The following MGMT variants were observed in gnomAD, a reference collection of about 807,000 sequenced individuals.
MGMT encodes the protein methylated-DNA--protein-cysteine methyltransferase.
A neutral mutation model predicts 15.9 loss-of-function variants in MGMT; 14 were observed. That is an observed-to-expected ratio of 0.88 (90% CI 0.58 to 1.37). The LOEUF (loss-of-function observed/expected upper bound fraction) is 1.37. Among genes scored for constraint, MGMT ranks in the 40% most tolerant of loss-of-function variants. The pLI, the probability that MGMT is intolerant of heterozygous loss-of-function variation, is 0.00. For missense variants in MGMT, 282 were observed against 268.1 expected (o/e 1.05, Z -0.36); for synonymous variants, 130 against 118.2 (o/e 1.10, Z -0.65).
intron 2 of MGMT, among the ~76,000 whole-genome samples, chr10:129,615,823 G>A (rs755377675): frequency 1.3e-5 from 2 of 152,164 alleles, no homozygotes; most frequent in Non-Finnish European, 2.9e-5. Context: ...GGGACTGAGG[G>A]GAGAGACAGG....
At chr10:129,613,833 C>T (rs902080507) in intron 2 of MGMT, among the ~76,000 whole-genome samples, 1 of 152,216 alleles carries the variant, frequency 6.6e-6, no homozygotes, top group African/African-American at 2.4e-5. Context: ...GGTCCCCCCT[C>T]CCACCTGCAA....
At chr10:129,504,558 A>T (rs1309577355) in intron 1 of MGMT, among the ~76,000 whole-genome samples, 1 of 152,182 alleles carries the variant, frequency 6.6e-6, no homozygotes, top group African/African-American at 2.4e-5. Context: ...TACATTCTTG[A>T]TTCCCCCCTT....
At chr10:129,661,831 ACTGGTAATTTGCTTTCGTGTGAC>A (rs1347540170) in intron 2 of MGMT, among the ~76,000 whole-genome samples, 1 of 152,216 alleles carries the variant, frequency 6.6e-6, no homozygotes, top group African/African-American at 2.4e-5. Flanking sequence ...TTTTTAATTT[ACTGGTAATTTGCTTTCGTGTGAC>A]CTGAGAATGA....
intron 2 of MGMT, among the ~76,000 whole-genome samples, chr10:129,683,759 T>C (rs1210459041): frequency 6.6e-6 from 1 of 152,174 alleles, no homozygotes; most frequent in Non-Finnish European, 1.5e-5. Context: ...GAACCCCACT[T>C]GAATGGTAAT....
At chr10:129,706,698 C>T (rs2133141173) in intron 2 of MGMT, among the ~76,000 whole-genome samples, 1 of 152,242 alleles carries the variant, frequency 6.6e-6, no homozygotes, top group South Asian at 2.1e-4. Flanking sequence ...GGGTCCACAG[C>T]ACTTGAAATC....
chr10:129,565,021 A>G (rs1846337632), intron 2 of MGMT, among the ~76,000 whole-genome samples: 1 of 152,186 alleles, frequency 6.6e-6, no homozygotes, highest in African/African-American at 2.4e-5. Flanking sequence ...TCATGAAAAA[A>G]GATGGAGGGC....
chr10:129,560,489 CT>C (rs1425858040), intron 2 of MGMT, among the ~76,000 whole-genome samples: 1 of 152,154 alleles, frequency 6.6e-6, no homozygotes, highest in Non-Finnish European at 1.5e-5. Context: ...CTTTTGTACT[CT>C]GCATTCGTGG....
intron 2 of MGMT, among the ~76,000 whole-genome samples, chr10:129,576,016 T>C (rs1273540723): frequency 2.0e-5 from 3 of 151,964 alleles, no homozygotes; most frequent in Admixed American, 6.6e-5. Flanking sequence ...AGACCAATAA[T>C]AGGCTCTGAA....
chr10:129,654,494 C>T (rs1252907458), intron 2 of MGMT, among the ~76,000 whole-genome samples: 4 of 152,172 alleles, frequency 2.6e-5, no homozygotes, highest in Non-Finnish European at 2.9e-5. Flanking sequence ...TACCCCTGCT[C>T]ACTCTGAGCC....
chr10:129,762,341 G>A (rs765588064), intron 4 of MGMT, among the ~76,000 whole-genome samples: 1 of 152,208 alleles, frequency 6.6e-6, no homozygotes, highest in Non-Finnish European at 1.5e-5. Flanking sequence ...CAATAAACAG[G>A]AGCACGTGCT....
chr10:129,626,742 G>GGT (rs1336225067), intron 2 of MGMT, among the ~76,000 whole-genome samples: 1 of 152,166 alleles, frequency 6.6e-6, no homozygotes, highest in Non-Finnish European at 1.5e-5. Context: ...ATAACACCGT[G>GGT]GTGAAGCGCC....
chr10:129,553,377 A>G (rs1165835086), intron 2 of MGMT, among the ~76,000 whole-genome samples: 3 of 152,228 alleles, frequency 2.0e-5, no homozygotes, highest in Non-Finnish European at 4.4e-5. Context: ...TAGACTTAGG[A>G]GCAGGCAGAA....
intron 3 of MGMT, among the ~76,000 whole-genome samples, chr10:129,734,877 A>G (rs1472773774): frequency 1.3e-5 from 2 of 152,162 alleles, no homozygotes; most frequent in African/African-American, 4.8e-5. Context: ...TGATTTGCAT[A>G]TATTGAACCA....
chr10:129,719,201 C>T (rs1000547200), intron 3 of MGMT, among the ~76,000 whole-genome samples: 2 of 152,032 alleles, frequency 1.3e-5, no homozygotes, highest in South Asian at 2.1e-4. Flanking sequence ...GTCACCTTCC[C>T]GGGCTGTCTA....
At chr10:129,639,935 G>A (rs1250362921) in intron 2 of MGMT, among the ~76,000 whole-genome samples, 4 of 135,022 alleles carry the variant, frequency 3.0e-5, no homozygotes, top group Non-Finnish European at 4.7e-5. Context: ...ATAAATCGGT[G>A]GCTAGACTGA....
chr10:129,560,989 G>GTGCGTGTGCGTGTGCA (rs1554911324), intron 2 of MGMT, among the ~76,000 whole-genome samples: 1 of 149,792 alleles, frequency 6.7e-6, no homozygotes, highest in Admixed American at 6.6e-5. Context: ...GTGTGTGTGT[G>GTGCGTGTGCGTGTGCA]TGTGTGTGTT....
intron 1 of MGMT, among the ~76,000 whole-genome samples, chr10:129,507,055 T>C (rs1845632981): frequency 6.6e-6 from 1 of 152,138 alleles, no homozygotes; most frequent in African/African-American, 2.4e-5. Flanking sequence ...AAAGTGGGGG[T>C]TCCAGTGCTA....
At chr10:129,647,375 G>A (rs565711718) in intron 2 of MGMT, among the ~76,000 whole-genome samples, 88 of 152,264 alleles carry the variant, frequency 5.8e-4, no homozygotes, top group African/African-American at 1.9e-3. Context: ...TAAAGGCAGC[G>A]GCCTGCAGGA....
chr10:129,724,043 A>G lies in MGMT; in HGVS notation c.274+16000A>G, dbSNP rs191787958. On this transcript the variant is annotated intron_variant, in intron 3 of 4. Coordinates refer to ENST00000651593, the MANE Select transcript of MGMT (RefSeq NM_002412.5). ...GGGCATTTATCCAGGAGAAATTAAA[A>G]CCTACGTCCACAAAAACGTATTCAA... is the stretch of plus-strand genomic sequence containing the variant. 2.6e-3 allele frequency among the ~76,000 whole-genome samples: 393 copies of G among 152,312 alleles called. 1 individual carries two copies. The highest frequency in any genetic ancestry group is 4.3e-3 in the Non-Finnish European group (291 of 68,032).
Sources: allele counts gnomAD v4.1 joint callset (sites outside exome capture counted in the v4.1 genomes callset), GRCh38; gene constraint gnomAD v4.1.1; transcripts MANE v1.5; gene names NCBI Gene and HGNC (gene_info 2026-07-23, HGNC 2026-07-21).